The following KDM2B variants were observed in gnomAD, a reference collection of about 807,000 sequenced individuals.
The protein encoded by KDM2B is lysine-specific demethylase 2B.
KDM2B carries 26 observed loss-of-function variants against 150.0 expected under a neutral mutation model. That is an observed-to-expected ratio of 0.17 (90% CI 0.13 to 0.24). The LOEUF (loss-of-function observed/expected upper bound fraction) is 0.24, where lower values mean the gene tolerates loss of function less well. Ranked by LOEUF, KDM2B falls within the 10% of genes least tolerant of loss-of-function variation. The probability of loss-of-function intolerance (pLI) is 1.00; values close to 1 mark genes in which losing one functional copy is unlikely to be tolerated. For synonymous variants in KDM2B, 734 were observed against 729.5 expected (o/e 1.01, Z -0.10); for missense variants, 1,265 against 1,816.9 (o/e 0.70, Z 5.52).
chr12:121,416,394 G>C, the KDM2B span: 4 of 1,520,588 alleles, frequency 2.6e-6, no homozygotes, highest in Non-Finnish European at 3.7e-6. Flanking sequence ...TGGATGAAAT[G>C]TTACATAACA....
At chr12:121,503,096 G>C (rs1267331114) in intron 11 of KDM2B, among the ~76,000 whole-genome samples, 2 of 151,210 alleles carry the variant, frequency 1.3e-5, no homozygotes, top group Non-Finnish European at 2.9e-5. Context: ...TCCTGCCTCA[G>C]TCTCTCTAGT....
Position 121,494,649 on chromosome 12 carries a change from T to C in KDM2B, c.1664A>G (p.His555Arg). The C allele has an allele frequency of 6.2e-7, 1 of 1,612,602 alleles. No homozygotes were observed. Among genetic ancestry groups the C allele is most frequent in the Non-Finnish European group, 8.5e-7 (1 of 1,179,390 alleles). Residue 555 changes from histidine to arginine, a missense_variant, in exon 12 of 23, where the codon CAC (histidine) becomes CGC (arginine). By Grantham distance (29) the His-to-Arg change is conservative. Around this residue, in one of 11 missense-constraint regions of KDM2B, gnomAD observed 69 missense variants for 85.7 expected, o/e 0.81. Coordinates refer to ENST00000377071, the MANE Select transcript of KDM2B (RefSeq NM_032590.5). ...GGCCAGACTAGGGTCATCATCTGCG[T>C]GCTCCTTCAGGACGTTCTGTGGCCA... is the stretch of plus-strand genomic sequence containing the variant. The part of the protein sequence containing the change: ...LEGVKNVLKE[H>R]ADDDPSLAIT...
intron 22 of KDM2B, among the ~76,000 whole-genome samples, chr12:121,431,413 T>C (rs1872994510): frequency 6.7e-6 from 1 of 150,018 alleles, no homozygotes; most frequent in Non-Finnish European, 1.5e-5. Context: ...CCTCCCAAAG[T>C]GCTGGGATTA....
chr12:121,500,757 C>G (rs999858874), intron 11 of KDM2B, among the ~76,000 whole-genome samples: 23 of 152,176 alleles, frequency 1.5e-4, no homozygotes, highest in African/African-American at 4.1e-4. Flanking sequence ...CCATCCCAGC[C>G]CCACCGTCTG....
At chr12:121,501,283 G>A (rs910732665) in intron 11 of KDM2B, among the ~76,000 whole-genome samples, 5 of 152,128 alleles carry the variant, frequency 3.3e-5, no homozygotes, top group Non-Finnish European at 7.3e-5. Flanking sequence ...GGAGGCTGAG[G>A]CACGAGAATT....
chr12:121,577,152 G>A (rs1400096771), intron 2 of KDM2B, among the ~76,000 whole-genome samples: 25 of 152,260 alleles, frequency 1.6e-4, no homozygotes, highest in African/African-American at 5.8e-4. Flanking sequence ...AAGAAGCCGG[G>A]AGAGCAGATC....
intron 9 of KDM2B, among the ~76,000 whole-genome samples, chr12:121,519,266 G>A (rs782252748): frequency 3.5e-4 from 54 of 152,174 alleles, no homozygotes; most frequent in Non-Finnish European, 7.2e-4. Context: ...GTGATTTTGT[G>A]CAAACCAAGG....
chr12:121,447,877 A>C (rs1304644316), intron 13 of KDM2B, among the ~76,000 whole-genome samples: 1 of 151,660 alleles, frequency 6.6e-6, no homozygotes, highest in Non-Finnish European at 1.5e-5. Context: ...GGCTTGTCTC[A>C]AACTCCTGAC....
chr12:121,580,496 G>T lies in KDM2B; in HGVS notation c.126+290C>A, dbSNP rs557321375. On this transcript the variant is annotated intron_variant, in intron 1 of 22. Coordinates refer to ENST00000377071, the MANE Select transcript of KDM2B (RefSeq NM_032590.5). ...GCCTCTGCACGCAGGCGCCGCCGCC[G>T]CCCGGGAGTTGTGTGCAGAGCTGAC... is the stretch of plus-strand genomic sequence containing the variant. 119 of 1,176,046 alleles carry T rather than the reference G, an allele frequency of 1.0e-4. 1 individual carries two copies. In the South Asian group the frequency reaches 2.7e-3, roughly 26 times the overall value. The allele number at this position is 1,176,046 out of a possible 1,614,324, so 72.9% of individuals were successfully genotyped here. A position where few individuals can be genotyped will look rare whatever the true frequency, so the allele number is the denominator to read the frequency against.
intron 12 of KDM2B, among the ~76,000 whole-genome samples, chr12:121,490,303 C>T (rs1883215741): frequency 6.6e-6 from 1 of 152,220 alleles, no homozygotes; most frequent in Non-Finnish European, 1.5e-5. Flanking sequence ...ATGCCCCCAT[C>T]AGGGTGCTTG....
intron 4 of KDM2B, among the ~76,000 whole-genome samples, chr12:121,564,292 C>A (rs782759022): frequency 2.0e-5 from 3 of 151,858 alleles, no homozygotes; most frequent in Non-Finnish European, 2.9e-5. Flanking sequence ...CCCGTCTCTA[C>A]TAAAAATACA....
At chr12:121,569,710 C>T (rs1036504984) in intron 4 of KDM2B, among the ~76,000 whole-genome samples, 14 of 152,222 alleles carry the variant, frequency 9.2e-5, no homozygotes, top group Non-Finnish European at 2.1e-4. Context: ...CGGCCTCCCT[C>T]AGAGTTCAGA....
At chr12:121,441,366 T>C (rs1363444408) in intron 19 of KDM2B, 133 bp from the exon 20 acceptor site, 6 of 786,854 alleles carry the variant, frequency 7.6e-6, no homozygotes, top group African/African-American at 1.7e-5. Flanking sequence ...CCCTTCTCTA[T>C]GTAGCACCTA....
rs1309443519 is a variant in KDM2B, at chr12:121,518,518, T to C, written c.1047+2467A>G. 6.6e-6 allele frequency among the ~76,000 whole-genome samples: 1 copy of C among 151,934 alleles called. No homozygotes were observed. Among genetic ancestry groups the C allele is most frequent in the Non-Finnish European group, 1.5e-5 (1 of 67,960 alleles). ...CAGGGGAAGGGACAGTAGGCCCCGGTGGGGGAGGGGACCTGCCATTCTCAA... is the reference window on the plus strand; with the variant it reads ...CAGGGGAAGGGACAGTAGGCCCCGGCGGGGGAGGGGACCTGCCATTCTCAA... On this transcript the variant is annotated intron_variant, in intron 9 of 22. Coordinates refer to ENST00000377071, the MANE Select transcript of KDM2B (RefSeq NM_032590.5). This position sits in a 1 kb window ranked among gnomAD's most constrained non-coding sequence, Gnocchi z 4.4.
At chr12:121,509,470 G>C (rs1248495130) in intron 11 of KDM2B, 97 bp downstream of exon 11, 1 of 1,532,012 alleles carries the variant, frequency 6.5e-7, no homozygotes, top group Non-Finnish European at 8.7e-7. Context: ...AGAGCAATCT[G>C]CACAGAGCCA....
chr12:121,522,117 AAAAG>A (rs1555306021), intron 8 of KDM2B, among the ~76,000 whole-genome samples: 1 of 151,818 alleles, frequency 6.6e-6, no homozygotes, highest in East Asian at 1.9e-4. Context: ...AAAAGAAAAA[AAAAG>A]AAGAAACGAT....
rs1287218372 is a variant in KDM2B, at chr12:121,533,825, C to T, written c.777+672G>A. ...GAGGAGGTGGTTCTAGGGAAAGAAGCGACCCTGGGCCAGGAGCCATGGCCC... is the reference window on the plus strand; with the variant it reads ...GAGGAGGTGGTTCTAGGGAAAGAAGTGACCCTGGGCCAGGAGCCATGGCCC... On this transcript the variant is annotated intron_variant, in intron 7 of 22. Coordinates refer to ENST00000377071, the MANE Select transcript of KDM2B (RefSeq NM_032590.5). The surrounding 1 kb of genome is among the most constrained non-coding windows in gnomAD (Gnocchi z 4.1). Among the ~76,000 whole-genome samples, 6 of 152,172 alleles carry T rather than the reference C, an allele frequency of 3.9e-5. No individual in the cohort carries two copies. Among genetic ancestry groups the T allele is most frequent in the Non-Finnish European group, 7.4e-5 (5 of 68,026 alleles).
intron 1 of KDM2B, chr12:121,579,899 C>T: frequency 1.3e-6 from 2 of 1,485,434 alleles, no homozygotes; most frequent in Non-Finnish European, 1.8e-6. Flanking sequence ...TCCCGGTCCT[C>T]TTGCAAAATA....
At position 121,526,357 on chromosome 12, in the gene KDM2B, G is replaced by GA. The variant is rs1311044637; in HGVS notation, c.932-5258dup. Among the ~76,000 whole-genome samples, 46 of 147,150 alleles carry GA rather than the reference G, an allele frequency of 3.1e-4. 1 individual carries two copies. Among genetic ancestry groups the GA allele is most frequent in the Admixed American group, 1.4e-4 (2 of 14,774 alleles). On this transcript the variant is annotated intron_variant, in intron 8 of 22. Transcript: ENST00000377071. The stretch of plus-strand genomic sequence containing the variant: ...GACAGAGCAAGACTCTGCCTCAGGG[G>GA]AAAAAAAAAAGAAAGTTTGTTAAAT...
Sources: allele counts gnomAD v4.1 joint callset (sites outside exome capture counted in the v4.1 genomes callset), GRCh38; gene constraint gnomAD v4.1.1; regional missense constraint gnomAD v4.1.1; non-coding constraint Gnocchi (gnomAD v3.1); transcripts MANE v1.5; gene names NCBI Gene and HGNC (gene_info 2026-07-23, HGNC 2026-07-21).